CNTNAP5: variants seen among roughly 807,000 people sequenced by gnomAD.
CNTNAP5 encodes contactin-associated protein-like 5.
CNTNAP5 carries 72 observed loss-of-function variants against 150.2 expected under a neutral mutation model. The observed-to-expected ratio is 0.48, with a 90% CI of 0.40 to 0.58. The LOEUF (loss-of-function observed/expected upper bound fraction) is 0.58, where lower values mean the gene tolerates loss of function less well. Among genes scored for constraint, CNTNAP5 ranks in the 20% least tolerant of loss-of-function variants. CNTNAP5 has a pLI of 0.00. For missense variants in CNTNAP5, 1,636 were observed against 1,626.2 expected, an observed-to-expected ratio of 1.01 and a Z score of -0.10; for synonymous variants, 672 against 619.8, an observed-to-expected ratio of 1.08 and a Z score of -1.25.
At chr2:124,579,679 C>A (rs1696368097) in intron 11 of CNTNAP5, among the ~76,000 whole-genome samples, 1 of 152,192 alleles carries the variant, frequency 6.6e-6, no homozygotes, top group South Asian at 2.1e-4. Context: ...GTGAAATGAT[C>A]TGTCTTCAAC....
At position 124,299,292 on chromosome 2, in the gene CNTNAP5, G is replaced by A. The variant is rs549173945; in HGVS notation, c.381+56899G>A. On this transcript the variant is annotated intron_variant, in intron 3 of 23. Coordinates refer to ENST00000682447, the MANE Select transcript of CNTNAP5 (RefSeq NM_001367498.1). ...TCAGGGGACCCCTTTTTACCCGGCT[G>A]TCTCAACAGTACTCATTAGTTATTT... is the stretch of plus-strand genomic sequence containing the variant. Among the ~76,000 whole-genome samples, 7 of 152,162 alleles carry A rather than the reference G, an allele frequency of 4.6e-5. No individual in the cohort carries two copies. In the East Asian group the frequency reaches 9.7e-4, roughly 21 times the overall value.
At chr2:124,097,994 C>T (rs1339181267) in intron 1 of CNTNAP5, among the ~76,000 whole-genome samples, 1 of 152,138 alleles carries the variant, frequency 6.6e-6, no homozygotes, top group Non-Finnish European at 1.5e-5. Context: ...CGCCACTGCA[C>T]TCCAGCCTGG....
chr2:124,063,762 A>G (rs1682076308), intron 1 of CNTNAP5, among the ~76,000 whole-genome samples: 1 of 152,140 alleles, frequency 6.6e-6, no homozygotes, highest in Non-Finnish European at 1.5e-5. Flanking sequence ...GAGATGGAGT[A>G]AGATTCACAA....
intron 3 of CNTNAP5, among the ~76,000 whole-genome samples, chr2:124,269,296 T>C (rs1048546999): frequency 2.0e-5 from 3 of 152,146 alleles, no homozygotes; most frequent in African/African-American, 7.2e-5. Flanking sequence ...CACATCCCAG[T>C]GCAGAACCTT....
At chr2:124,402,881 C>A (rs1212123156) in intron 3 of CNTNAP5, among the ~76,000 whole-genome samples, 1 of 152,156 alleles carries the variant, frequency 6.6e-6, no homozygotes, top group African/African-American at 2.4e-5. Flanking sequence ...GTGGCCAGTG[C>A]CTAAAACCTA....
At chr2:124,786,121 T>C (rs1004184635) in intron 17 of CNTNAP5, among the ~76,000 whole-genome samples, 4 of 151,324 alleles carry the variant, frequency 2.6e-5, no homozygotes, top group African/African-American at 9.7e-5. Context: ...AATTAGCTGG[T>C]CGTGGTGGTG....
intron 3 of CNTNAP5, among the ~76,000 whole-genome samples, chr2:124,347,943 G>T (rs1213401374): frequency 6.6e-6 from 1 of 151,752 alleles, no homozygotes; most frequent in Non-Finnish European, 1.5e-5. Flanking sequence ...TTCTGCCTCA[G>T]CCTCCCGAGT....
At chr2:124,135,002 G>C (rs1003328889) in intron 1 of CNTNAP5, 2 of 152,144 alleles carry the variant, frequency 1.3e-5, no homozygotes, top group Non-Finnish European at 2.9e-5. Context: ...AAATGAAAGG[G>C]ATAAGGTATG....
At chr2:124,662,625 A>G (rs1260385697) in intron 13 of CNTNAP5, among the ~76,000 whole-genome samples, 1 of 152,206 alleles carries the variant, frequency 6.6e-6, no homozygotes, top group Non-Finnish European at 1.5e-5. Flanking sequence ...TTCTAGGCAG[A>G]TCTAATTTCA....
At chr2:124,485,478 T>C (rs1290793784) in intron 7 of CNTNAP5, among the ~76,000 whole-genome samples, 1 of 151,000 alleles carries the variant, frequency 6.6e-6, no homozygotes, top group Non-Finnish European at 1.5e-5. Context: ...CCAGGCGTGG[T>C]GGCGGGCACC....
chr2:124,637,899 A>G (rs903792937), intron 12 of CNTNAP5, among the ~76,000 whole-genome samples: 7 of 151,898 alleles, frequency 4.6e-5, no homozygotes, highest in Non-Finnish European at 8.8e-5. Flanking sequence ...GATATTCTCA[A>G]TGTCAACTAG....
chr2:124,330,720 T>A (rs926491420), intron 3 of CNTNAP5, among the ~76,000 whole-genome samples: 2 of 152,114 alleles, frequency 1.3e-5, no homozygotes, highest in Admixed American at 1.3e-4. Context: ...TTCATCATAG[T>A]AGCATGAGAA....
At chr2:124,341,356 A>G (rs1689610713) in intron 3 of CNTNAP5, among the ~76,000 whole-genome samples, 1 of 152,082 alleles carries the variant, frequency 6.6e-6, no homozygotes, top group Admixed American at 6.6e-5. Context: ...CTTTAGTTCA[A>G]AGCAATAGGC....
intron 1 of CNTNAP5, among the ~76,000 whole-genome samples, chr2:124,092,814 G>A (rs901093045): frequency 2.0e-5 from 3 of 152,142 alleles, no homozygotes; most frequent in Admixed American, 2.0e-4. Flanking sequence ...AAGATTGTTT[G>A]AGGTGGTGTA....
chr2:124,855,106 T>C (rs1234608401), intron 19 of CNTNAP5, among the ~76,000 whole-genome samples: 2 of 151,424 alleles, frequency 1.3e-5, no homozygotes, highest in Admixed American at 6.6e-5. Flanking sequence ...AGAAAGGACA[T>C]TGAATGTCAT....
chr2:124,876,658 A>G (rs890905162), intron 21 of CNTNAP5, among the ~76,000 whole-genome samples: 1 of 151,996 alleles, frequency 6.6e-6, no homozygotes, highest in Non-Finnish European at 1.5e-5. Flanking sequence ...GACTCCTCTA[A>G]AAGATTATTT....
rs575661874 is a variant in CNTNAP5 at position 124,614,559 on chromosome 2, CT to C, written c.1876+4644del. On this transcript the variant is annotated intron_variant, in intron 12 of 23. Coordinates refer to ENST00000682447, the MANE Select transcript of CNTNAP5 (RefSeq NM_001367498.1). ...GTTCCCAGGACTGAGGGTTTCTCCCCTTTTTAGACCATGTATGATAACTTCC... is the reference window on the plus strand; with the variant it reads ...GTTCCCAGGACTGAGGGTTTCTCCCCTTTTAGACCATGTATGATAACTTCC... 1.4e-3 allele frequency among the ~76,000 whole-genome samples: 216 copies of C among 152,196 alleles called. 1 individual carries two copies. The highest frequency in any genetic ancestry group is 6.8e-3 in the Middle Eastern group (2 of 294).
At chr2:124,404,011 A>C (rs1303383179) in intron 3 of CNTNAP5, among the ~76,000 whole-genome samples, 6 of 152,152 alleles carry the variant, frequency 3.9e-5, no homozygotes, top group Admixed American at 2.6e-4. Flanking sequence ...GGTCCCTCTC[A>C]TGACAGGTGG....
At chr2:124,448,269 A>AAAT (rs869148616) in intron 6 of CNTNAP5, among the ~76,000 whole-genome samples, 83,676 of 144,054 alleles carry the variant, frequency 0.58, 24,591 homozygotes, top group Middle Eastern at 0.72. Flanking sequence ...CTCCGTCTTA[A>AAAT]AATAATAATA....
Sources: gnomAD v4.1 joint callset for allele counts (sites outside exome capture counted in the v4.1 genomes callset) on GRCh38, gnomAD v4.1.1 for gene constraint, MANE v1.5 for transcripts, NCBI Gene and HGNC (gene_info 2026-07-23, HGNC 2026-07-21) for gene names.